TJP1: variants seen among roughly 807,000 people sequenced by gnomAD.
The protein encoded by TJP1 is tight junction protein 1, also known as tight junction protein ZO-1.
Under a neutral mutation model 194.2 loss-of-function variants are expected in TJP1, and 43 were observed. The ratio of observed to expected loss-of-function variants is 0.22; its 90% confidence interval spans 0.17 to 0.29. TJP1 has a LOEUF of 0.29. Among genes scored for constraint, TJP1 ranks in the 10% least tolerant of loss-of-function variants. The pLI is 1.00. For synonymous variants in TJP1, 801 were observed against 779.0 expected (o/e 1.03, Z -0.47); for missense variants, 1,971 against 2,185.7 (o/e 0.90, Z 1.96).
chr15:29,714,537 CTTTTTTTT>C (rs58378713), intron 23 of TJP1, among the ~76,000 whole-genome samples: 10 of 88,986 alleles, frequency 1.1e-4, no homozygotes, highest in African/African-American at 4.3e-4. Context: ...TGCGCCCAGC[CTTTTTTTT>C]TTTTTTTTTT....
At chr15:29,948,605 C>T (rs370751441) in intron 2 of TJP1, among the ~76,000 whole-genome samples, 19 of 152,114 alleles carry the variant, frequency 1.2e-4, no homozygotes, top group African/African-American at 4.1e-4. Flanking sequence ...TCCTTGTGGA[C>T]GTGAGGCCTG....
rs1179775427 is a variant in TJP1, at chr15:29,726,944, A to G, written c.2148T>C (p.Leu716=). The change falls in exon 17 of 28, where the codon CTT becomes CTC. Residue 716 remains leucine (L), a synonymous_variant. Transcript: ENST00000614355. The part of the protein sequence containing the change: ...LDVTPNAVDR[L]NYAQWYPIVV... The stretch of plus-strand genomic sequence containing the variant: ...CAATTGGATACCACTGGGCATAGTT[A>G]AGACGATCAACTGCATTTGGTGTTA... 6.2e-7 allele frequency: 1 copy of G among 1,614,116 alleles called. No individual in the cohort carries two copies. Among genetic ancestry groups the G allele is most frequent in the Non-Finnish European group, 8.5e-7 (1 of 1,180,046 alleles).
At position 29,770,712 on chromosome 15, in the gene TJP1, CA is replaced by C. The variant is rs1156539375; in HGVS notation, c.312+1351del. Among the ~76,000 whole-genome samples the C allele has an allele frequency of 7.3e-4, 110 of 151,446 alleles. No individual in the cohort carries two copies. In the Middle Eastern group the frequency reaches 0.014, roughly 19 times the overall value. On this transcript the variant is annotated intron_variant, in intron 4 of 27. Transcript: ENST00000614355. The stretch of plus-strand genomic sequence containing the variant: ...AAAAAGAAAAAAACCAAAAAGAACC[CA>C]AAAAATTTTAAATATTTTTGTACAG...
intron 8 of TJP1, among the ~76,000 whole-genome samples, chr15:29,744,108 G>A (rs1338057668): frequency 6.6e-6 from 1 of 152,146 alleles, no homozygotes; most frequent in Non-Finnish European, 1.5e-5. Context: ...GAACCCAGGA[G>A]GCAGAGGTTG....
At chr15:29,830,043 T>C (rs1301205195) in intron 2 of TJP1, among the ~76,000 whole-genome samples, 1 of 151,538 alleles carries the variant, frequency 6.6e-6, no homozygotes, top group East Asian at 1.9e-4. Flanking sequence ...AAAAAAGCCA[T>C]CTCTAAAAGC....
At chr15:29,819,292 T>C (rs2050161857) in intron 1 of TJP1, among the ~76,000 whole-genome samples, 1 of 152,200 alleles carries the variant, frequency 6.6e-6, no homozygotes, top group South Asian at 2.1e-4. Flanking sequence ...TCTCCAATAG[T>C]CTACAATATT....
In TJP1 at chr15:29,761,118, TA is replaced by T. The variant is rs746904131; in HGVS notation, c.1010+20del. 2 of 1,561,016 alleles carry T rather than the reference TA, an allele frequency of 1.3e-6. No individual in the cohort carries two copies. The highest frequency in any genetic ancestry group is 1.7e-6 in the Non-Finnish European group (2 of 1,155,942). The stretch of plus-strand genomic sequence containing the variant: ...AAGCAAACAAAACCCCTGTATTTTT[TA>T]AAAAAATAGGGTGTCTTACCTGCCA... On this transcript the variant is annotated intron_variant, in intron 8 of 27. Transcript: ENST00000614355.
intron 2 of TJP1, among the ~76,000 whole-genome samples, chr15:29,886,920 C>A (rs1395895970): frequency 2.6e-5 from 4 of 151,770 alleles, no homozygotes. Flanking sequence ...TCTGAAAAAA[C>A]AAACAGGAAA....
At chr15:29,836,884 T>C (rs533735198) in intron 2 of TJP1, among the ~76,000 whole-genome samples, 1 of 152,244 alleles carries the variant, frequency 6.6e-6, no homozygotes, top group Admixed American at 6.5e-5. Flanking sequence ...AGCCACAAAG[T>C]GCCAACTTGG....
intron 1 of TJP1, among the ~76,000 whole-genome samples, chr15:29,810,939 TGTTCTCAAGGA>T (rs1417261412): frequency 6.6e-6 from 1 of 152,202 alleles, no homozygotes; most frequent in Non-Finnish European, 1.5e-5. Context: ...GTATGACCTT[TGTTCTCAAGGA>T]GCTTACAGTC....
intron 2 of TJP1, among the ~76,000 whole-genome samples, chr15:29,886,117 G>C (rs2053106679): frequency 6.6e-6 from 1 of 152,194 alleles, no homozygotes; most frequent in South Asian, 2.1e-4. Flanking sequence ...TGGATGAGAT[G>C]CCAATTTAAA....
In TJP1 at chr15:29,734,266, C is replaced by G. The variant is rs1394908846; in HGVS notation, c.1516+8G>C. 1.9e-6 allele frequency: 3 copies of G among 1,580,988 alleles called. No homozygotes were observed. In the East Asian group the frequency reaches 6.8e-5, roughly 36 times the overall value. ...GTTTATCTCCTCCATTTTCTGACAG[C>G]ATCTCACCATCCTTCTTCTTCTGAG... On this transcript the variant is annotated splice_region_variant and intron_variant, in intron 12 of 27. Coordinates refer to ENST00000614355, the MANE Select transcript of TJP1 (RefSeq NM_001330239.4).
intron 2 of TJP1, among the ~76,000 whole-genome samples, chr15:29,890,176 C>T (rs919373155): frequency 2.6e-5 from 4 of 152,076 alleles, no homozygotes; most frequent in Admixed American, 2.0e-4. Flanking sequence ...AATGTGAAAG[C>T]CCAACGAAAC....
At position 29,820,589 on chromosome 15, in the gene TJP1, T is replaced by C. The variant is rs758546070; in HGVS notation, c.27+1413A>G. 1.8e-5 allele frequency: 13 copies of C among 716,478 alleles called. No individual in the cohort carries two copies. The East Asian group carries it at 2.2e-4, about 12-fold the overall frequency. The allele number at this position is 716,478 out of a possible 1,614,324, so 44.4% of individuals were successfully genotyped here. A position where few individuals can be genotyped will look rare whatever the true frequency, so the allele number is the denominator to read the frequency against. On this transcript the variant is annotated intron_variant, in intron 1 of 27. Coordinates refer to ENST00000614355, the MANE Select transcript of TJP1 (RefSeq NM_001330239.4). ...ATACTTGAAATAACCTCTTAAAAAG[T>C]GTGTTGTCTTGCATATTAAGTACCA...
At chr15:29,777,230 G>C (rs1012357989) in intron 2 of TJP1, among the ~76,000 whole-genome samples, 2 of 152,128 alleles carry the variant, frequency 1.3e-5, no homozygotes, top group African/African-American at 4.8e-5. Context: ...TTTAATCTAC[G>C]AGTGTGTGAC....
intron 2 of TJP1, among the ~76,000 whole-genome samples, chr15:29,790,751 C>CTTTTT (rs926624507): frequency 7.6e-6 from 1 of 130,798 alleles, no homozygotes; most frequent in Admixed American, 7.8e-5. Context: ...GTTCATTTTT[C>CTTTTT]TTTTTTTTTT....
chr15:29,927,101 C>G (rs2054550280), intron 2 of TJP1, among the ~76,000 whole-genome samples: 1 of 152,166 alleles, frequency 6.6e-6, no homozygotes, highest in Non-Finnish European at 1.5e-5. Context: ...GGGTGCATCA[C>G]CTGAGGTCAA....
chr15:29,924,839 A>AGGAATGCTG (rs2054477306), intron 2 of TJP1, among the ~76,000 whole-genome samples: 2 of 152,224 alleles, frequency 1.3e-5, no homozygotes, highest in Non-Finnish European at 1.5e-5. Flanking sequence ...CTGTTATCTA[A>AGGAATGCTG]GGAATGCTGG....
At chr15:29,760,667 G>A (rs747844082) in intron 8 of TJP1, among the ~76,000 whole-genome samples, 2 of 152,092 alleles carry the variant, frequency 1.3e-5, no homozygotes, top group African/African-American at 4.8e-5. Flanking sequence ...GTGAGCCACC[G>A]CGCCCGGCCA....
Sources: gnomAD v4.1 joint callset for allele counts (sites outside exome capture counted in the v4.1 genomes callset) on GRCh38, gnomAD v4.1.1 for gene constraint, MANE v1.5 for transcripts, NCBI Gene and HGNC (gene_info 2026-07-23, HGNC 2026-07-21) for gene names.